The following PPP1R17 variants were observed in gnomAD, a reference collection of about 807,000 sequenced individuals.
PPP1R17 encodes the protein G-substrate.
In PPP1R17, 12 loss-of-function variants were observed where a neutral mutation model predicts 15.9. The observed-to-expected ratio is 0.75, with a 90% confidence interval of 0.48 to 1.22. The LOEUF (loss-of-function observed/expected upper bound fraction) is 1.22. Ranked by LOEUF, PPP1R17 falls within the 50% of genes most tolerant of loss-of-function variation. The pLI, the probability that PPP1R17 is intolerant of heterozygous loss-of-function variation, is 0.00. For missense variants in PPP1R17, 211 were observed against 187.3 expected (o/e 1.13, Z -0.74); for synonymous variants, 63 against 64.5 (o/e 0.98, Z 0.11).
chr7:31,701,432 G>A (rs951737357), intron 4 of PPP1R17, among the ~76,000 whole-genome samples: 18 of 152,306 alleles, frequency 1.2e-4, no homozygotes, highest in Admixed American at 5.9e-4. Flanking sequence ...TGATAGATCA[G>A]CAAAGAAAAT....
At chr7:31,699,356 G>A (rs1402248922) in intron 4 of PPP1R17, among the ~76,000 whole-genome samples, 1 of 152,174 alleles carries the variant, frequency 6.6e-6, no homozygotes, top group Non-Finnish European at 1.5e-5. Context: ...AGGGGAGCAA[G>A]CTAGCACGGT....
intron 2 of PPP1R17, 79 bp from the exon 3 acceptor site, chr7:31,695,390 C>A: frequency 7.5e-7 from 1 of 1,329,912 alleles, no homozygotes; most frequent in Non-Finnish European, 1.0e-6. Flanking sequence ...TCATCAAGTG[C>A]AATTAGGAAC....
intron 1 of PPP1R17, among the ~76,000 whole-genome samples, chr7:31,690,434 T>C (rs34164): frequency 0.16 from 24,176 of 152,224 alleles, 2,330 homozygotes; most frequent in African/African-American, 0.28. Context: ...TGCCAGACTG[T>C]GTGGGCACCA....
chr7:31,696,371 G>A (rs1383816937), intron 3 of PPP1R17, among the ~76,000 whole-genome samples: 2 of 152,184 alleles, frequency 1.3e-5, no homozygotes, highest in East Asian at 1.9e-4. Context: ...GAAATATGCA[G>A]TAAGAAGTGA....
At chr7:31,691,820 A>AAG (rs1562694178) in intron 1 of PPP1R17, among the ~76,000 whole-genome samples, 1 of 151,260 alleles carries the variant, frequency 6.6e-6, no homozygotes, top group Non-Finnish European at 1.5e-5. Flanking sequence ...AAAAAAAAAA[A>AAG]AACCAAGCAA....
chr7:31,708,126 T>C lies in PPP1R17; in HGVS notation c.*843T>C, dbSNP rs1252955898. ...GTTATTTTTAGCATTCTCACTTATTTAGACTCTATTACACTTTCTTGGATG... is the reference window on the plus strand; with the variant it reads ...GTTATTTTTAGCATTCTCACTTATTCAGACTCTATTACACTTTCTTGGATG... On this transcript the variant is annotated 3_prime_UTR_variant, in exon 5 of 5. Transcript: ENST00000342032. 1 of 152,232 alleles carries C rather than the reference T, an allele frequency of 6.6e-6. No homozygotes were observed. Among genetic ancestry groups the C allele is most frequent in the Non-Finnish European group, 1.5e-5 (1 of 68,046 alleles). 9.4% of individuals were successfully genotyped at this position (152,232 alleles called of 1,614,324 possible). A position where few individuals can be genotyped will look rare whatever the true frequency, so the allele number is the denominator to read the frequency against.
At chr7:31,693,135 C>A (rs1414732046) in intron 2 of PPP1R17, among the ~76,000 whole-genome samples, 2 of 152,036 alleles carry the variant, frequency 1.3e-5, no homozygotes, top group Non-Finnish European at 2.9e-5. Flanking sequence ...GTTATGACTC[C>A]CCCCTCCTCT....
intron 1 of PPP1R17, among the ~76,000 whole-genome samples, chr7:31,690,080 G>A (rs1207845620): frequency 2.6e-5 from 4 of 152,112 alleles, no homozygotes; most frequent in Non-Finnish European, 5.9e-5. Context: ...TCAATTCATC[G>A]GCCAGAGACA....
In PPP1R17 at chr7:31,707,598, C is replaced by T. The variant is rs946770006; in HGVS notation, c.*315C>T. ...TTTCTGCATCTTCTGGATCAATTCA[C>T]GGAACAGAGATCGTGGATTACATGG... On this transcript the variant is annotated 3_prime_UTR_variant, in exon 5 of 5. Transcript: ENST00000342032. 13 of 284,296 alleles carry T rather than the reference C, an allele frequency of 4.6e-5. No individual in the cohort carries two copies. In the East Asian group the frequency reaches 7.8e-4, roughly 17 times the overall value. The allele number at this position is 284,296 out of a possible 1,614,324, so 17.6% of individuals were successfully genotyped here.
chr7:31,690,324 C>T (rs1022307505), intron 1 of PPP1R17, among the ~76,000 whole-genome samples: 1 of 152,220 alleles, frequency 6.6e-6, no homozygotes. Flanking sequence ...GCTATTTCAT[C>T]TTCACAGTTA....
chr7:31,698,558 A>G (rs1282642750), intron 4 of PPP1R17, among the ~76,000 whole-genome samples: 2 of 152,222 alleles, frequency 1.3e-5, no homozygotes, highest in East Asian at 1.9e-4. Flanking sequence ...CACATGTGCT[A>G]AAAGTACAAG....
At chr7:31,689,727 C>T (rs1792259168) in intron 1 of PPP1R17, among the ~76,000 whole-genome samples, 1 of 152,118 alleles carries the variant, frequency 6.6e-6, no homozygotes. Flanking sequence ...CTTTCCCCTC[C>T]ACTTGCTTGT....
rs536717165 is a variant in PPP1R17 at position 31,707,996 on chromosome 7, C to A, written c.*713C>A. The stretch of plus-strand genomic sequence containing the variant: ...ATATTTCTTAAACATGCTGTCCCAA[C>A]ATTTGTGAGTTGTGTCACAAGTGAG... On this transcript the variant is annotated 3_prime_UTR_variant, in exon 5 of 5. Transcript: ENST00000342032. The A allele has an allele frequency of 1.3e-5, 2 of 152,296 alleles. No individual in the cohort carries two copies. Among genetic ancestry groups the A allele is most frequent in the South Asian group, 2.1e-4 (1 of 4,824 alleles). 9.4% of individuals were successfully genotyped at this position (152,296 alleles called of 1,614,324 possible).
intron 4 of PPP1R17, among the ~76,000 whole-genome samples, chr7:31,697,980 G>T (rs1792673772): frequency 3.3e-5 from 5 of 152,180 alleles, no homozygotes. Context: ...AAGATGAGAT[G>T]ACTAGATGGA....
intron 3 of PPP1R17, among the ~76,000 whole-genome samples, chr7:31,696,555 G>C (rs1792591438): frequency 1.3e-5 from 2 of 152,184 alleles, no homozygotes; most frequent in Non-Finnish European, 2.9e-5. Context: ...GAAGTGTGCA[G>C]ACGCAGCTTG....
chr7:31,692,941 T>C (rs574506379), intron 2 of PPP1R17, among the ~76,000 whole-genome samples: 1 of 152,326 alleles, frequency 6.6e-6, no homozygotes, highest in South Asian at 2.1e-4. Flanking sequence ...AAGACAGAAT[T>C]TTAAATAGCC....
Position 31,707,310 on chromosome 7 carries a change from A to T in PPP1R17, c.*27A>T, listed in dbSNP as rs780891414. On this transcript the variant is annotated 3_prime_UTR_variant, in exon 5 of 5. Coordinates refer to ENST00000342032, the MANE Select transcript of PPP1R17 (RefSeq NM_006658.5). ...GATAGTTCCCCTGAGACCACTTGTA[A>T]ATAGGTTAGATTGGTTCCCTGTGGT... The T allele has an allele frequency of 6.3e-6, 10 of 1,591,546 alleles. No homozygotes were observed. The Admixed American group carries it at 1.0e-4, about 16-fold the overall frequency.
intron 4 of PPP1R17, among the ~76,000 whole-genome samples, chr7:31,706,804 C>G (rs1019675552): frequency 1.3e-5 from 2 of 152,162 alleles, no homozygotes; most frequent in Non-Finnish European, 2.9e-5. Flanking sequence ...ATAATTGTTA[C>G]TGTACTCATG....
At position 31,695,562 on chromosome 7, in the gene PPP1R17, A is replaced by C. The variant is rs1204409786; in HGVS notation, c.176A>C (p.Asp59Ala). 1 of 1,613,898 alleles carries C rather than the reference A, an allele frequency of 6.2e-7. No individual in the cohort carries two copies. Among genetic ancestry groups the C allele is most frequent in the Non-Finnish European group, 8.5e-7 (1 of 1,179,978 alleles). ...CAGGCCACCCTGAATGTTGAGTCAGACCAAAAAAAACCAAGGAGGAAAGAT... is the reference window on the plus strand; with the variant it reads ...CAGGCCACCCTGAATGTTGAGTCAGCCCAAAAAAAACCAAGGAGGAAAGAT... The part of the protein sequence containing the change: ...NVQATLNVES[D>A]QKKPRRKDTP... Residue 59 changes from aspartate (D) to alanine (A), a missense_variant, in exon 3 of 5, where the codon GAC (aspartate) becomes GCC (alanine). Physicochemically the swap from Asp to Ala is moderately radical, Grantham distance 126 (BLOSUM62 -2). Coordinates refer to ENST00000342032, the MANE Select transcript of PPP1R17 (RefSeq NM_006658.5).
Sources: gnomAD v4.1 joint callset for allele counts (sites outside exome capture counted in the v4.1 genomes callset) on GRCh38, gnomAD v4.1.1 for gene constraint, MANE v1.5 for transcripts, NCBI Gene and HGNC (gene_info 2026-07-23, HGNC 2026-07-21) for gene names.